MBTD1: variants seen among roughly 807,000 people sequenced by gnomAD.
The protein encoded by MBTD1 is mbt domain containing 1, also known as MBT domain-containing protein 1.
Under a neutral mutation model 87.8 loss-of-function variants are expected in MBTD1, and 24 were observed. The ratio of observed to expected loss-of-function variants is 0.27; its 90% CI spans 0.20 to 0.38. MBTD1 has a LOEUF of 0.38. Among genes scored for constraint, MBTD1 ranks in the 10% least tolerant of loss-of-function variants. The probability of loss-of-function intolerance (pLI) is 1.00; values close to 1 mark genes in which losing one functional copy is unlikely to be tolerated. For missense variants in MBTD1, 436 were observed against 760.2 expected, an observed-to-expected ratio of 0.57 and a Z score of 5.02; for synonymous variants, 237 against 248.6, an observed-to-expected ratio of 0.95 and a Z score of 0.44.
intron 6 of MBTD1, among the ~76,000 whole-genome samples, chr17:51,211,989 T>C (rs1227768431): frequency 2.0e-5 from 3 of 152,180 alleles, no homozygotes; most frequent in African/African-American, 7.2e-5. Flanking sequence ...AAAGCTGACA[T>C]ACATATAGGT....
At chr17:51,195,434 AAAAG>A in intron 12 of MBTD1, 73 bp from the exon 13 acceptor site, 2 of 1,223,822 alleles carry the variant, frequency 1.6e-6, no homozygotes, top group Non-Finnish European at 1.1e-6. Flanking sequence ...TTGACATTCT[AAAAG>A]AAAGGAAAAT....
rs1052553108 is a variant in MBTD1 at position 51,259,868 on chromosome 17, G to A, written c.-146C>T. 8.1e-7 allele frequency: 1 copy of A among 1,231,910 alleles called. No individual in the cohort carries two copies. The highest frequency in any genetic ancestry group is 4.2e-5 in the Admixed American group (1 of 23,722). The allele number at this position is 1,231,910 out of a possible 1,614,324, so 76.3% of individuals were successfully genotyped here. ...TTGTGTTTTCCATCAGGGCCTCATGGGTAGGGGTTGTCCGTGCTCCCCGAG... is the reference window on the plus strand; with the variant it reads ...TTGTGTTTTCCATCAGGGCCTCATGAGTAGGGGTTGTCCGTGCTCCCCGAG... On this transcript the variant is annotated 5_prime_UTR_variant, in exon 1 of 17. Coordinates refer to ENST00000586178, the MANE Select transcript of MBTD1 (RefSeq NM_017643.3).
At chr17:51,225,261 C>G (rs537256855) in intron 2 of MBTD1, 52 bp from the exon 3 acceptor site, 124 of 893,332 alleles carry the variant, frequency 1.4e-4, no homozygotes, top group African/African-American at 1.2e-3. Context: ...ATACACACCC[C>G]CTAAAAGACC....
intron 2 of MBTD1, among the ~76,000 whole-genome samples, chr17:51,231,762 A>G (rs565947756): frequency 6.6e-6 from 1 of 152,132 alleles, no homozygotes; most frequent in South Asian, 2.1e-4. Context: ...AAGGAACACT[A>G]GTTCATAAGC....
At position 51,206,947 on chromosome 17, in the gene MBTD1, T is replaced by C. The variant is rs374100825; in HGVS notation, c.545A>G (p.Asn182Ser). The change falls in exon 7 of 17, where the codon AAT (asparagine) becomes AGT (serine). Residue 182 changes from asparagine (N) to serine (S), a missense_variant. Coordinates refer to ENST00000586178, the MANE Select transcript of MBTD1 (RefSeq NM_017643.3). ...TTTGGTAGGTAGGCTGCAGTCTGTA[T>C]TGGGAACTTCTACTCTCACATTTTC... ...ISENVRVEVP[N>S]TDCSLPTKVF... The C allele has an allele frequency of 1.9e-6, 3 of 1,613,980 alleles. No homozygotes were observed. The highest frequency in any genetic ancestry group is 2.5e-6 in the Non-Finnish European group (3 of 1,179,882).
chr17:51,195,766 C>G (rs895552067), intron 12 of MBTD1, among the ~76,000 whole-genome samples: 1 of 152,210 alleles, frequency 6.6e-6, no homozygotes, highest in Admixed American at 6.5e-5. Flanking sequence ...TTTTTACAAA[C>G]GGTCTCTACC....
intron 2 of MBTD1, among the ~76,000 whole-genome samples, chr17:51,240,074 G>C (rs2054077528): frequency 6.6e-6 from 1 of 152,070 alleles, no homozygotes; most frequent in African/African-American, 2.4e-5. Flanking sequence ...TAAGAATGCG[G>C]TCCCTTTAAG....
intron 6 of MBTD1, among the ~76,000 whole-genome samples, chr17:51,207,741 A>G (rs2051932242): frequency 6.6e-6 from 1 of 152,202 alleles, no homozygotes; most frequent in Non-Finnish European, 1.5e-5. Flanking sequence ...GATTTTCTGA[A>G]ATCTAACAGA....
At chr17:51,228,504 AAC>A (rs1491450493) in intron 2 of MBTD1, among the ~76,000 whole-genome samples, 1 of 151,718 alleles carries the variant, frequency 6.6e-6, no homozygotes, top group Non-Finnish European at 1.5e-5. Context: ...AAAAAAAAAA[AAC>A]AAGACAAAAC....
intron 6 of MBTD1, among the ~76,000 whole-genome samples, chr17:51,212,981 G>C (rs1235347784): frequency 6.6e-6 from 1 of 152,098 alleles, no homozygotes; most frequent in East Asian, 1.9e-4. Flanking sequence ...GCCTGCCTCG[G>C]CCTCCCAAAG....
At chr17:51,250,432 G>A (rs1376870192) in intron 2 of MBTD1, 5 of 152,162 alleles carry the variant, frequency 3.3e-5, no homozygotes, top group Non-Finnish European at 5.9e-5. Context: ...AGGGGTAAAC[G>A]AGTACAGTAT....
rs1464603456 is a variant in MBTD1 at position 51,177,431 on chromosome 17, T to G, written c.*3145A>C. On this transcript the variant is annotated 3_prime_UTR_variant, in exon 17 of 17. Coordinates refer to ENST00000586178, the MANE Select transcript of MBTD1 (RefSeq NM_017643.3). ...AGAACTGCTCAAATCCAGCTTAACT[T>G]TAACATTTTATTTTGTGTAAAAAAG... 1 of 152,192 alleles carries G rather than the reference T, an allele frequency of 6.6e-6. No individual in the cohort carries two copies. The highest frequency in any genetic ancestry group is 1.5e-5 in the Non-Finnish European group (1 of 68,030). 9.4% of individuals were successfully genotyped at this position (152,192 alleles called of 1,614,324 possible).
chr17:51,197,017 C>A (rs569295738), intron 12 of MBTD1, among the ~76,000 whole-genome samples: 1 of 124,718 alleles, frequency 8.0e-6, no homozygotes, highest in African/African-American at 3.1e-5. Context: ...TGATTTTTGT[C>A]TTTATCTATT....
chr17:51,212,114 C>T (rs1166968536), intron 6 of MBTD1, among the ~76,000 whole-genome samples: 2 of 152,144 alleles, frequency 1.3e-5, no homozygotes, highest in Admixed American at 1.3e-4. Flanking sequence ...AATCCCAGCA[C>T]TTTGGGAGGC....
chr17:51,193,071 C>G, intron 14 of MBTD1, 55 bp from the exon 15 acceptor site: 1 of 1,195,980 alleles, frequency 8.4e-7, no homozygotes, highest in Non-Finnish European at 1.2e-6. Flanking sequence ...AATGCACAAC[C>G]CTACTATCAC....
Position 51,182,582 on chromosome 17 carries a change from C to A in MBTD1, c.1769-1888G>T, listed in dbSNP as rs916334927. 2.6e-5 allele frequency among the ~76,000 whole-genome samples: 4 copies of A among 152,274 alleles called. No homozygotes were observed. In the South Asian group the frequency reaches 6.2e-4, roughly 24 times the overall value. On this transcript the variant is annotated intron_variant, in intron 16 of 16. Transcript: ENST00000586178. ...GGAACTGACTGGCTACTTACTACCC[C>A]CTGAATCTGGGCAGCCTGAGATCTC... is the stretch of plus-strand genomic sequence containing the variant.
At chr17:51,255,359 G>A (rs575414121) in intron 2 of MBTD1, among the ~76,000 whole-genome samples, 2 of 152,002 alleles carry the variant, frequency 1.3e-5, no homozygotes, top group East Asian at 3.9e-4. Context: ...AAAAACACTT[G>A]ATCTGAAATG....
At chr17:51,188,404 A>G (rs2050643207) in intron 16 of MBTD1, among the ~76,000 whole-genome samples, 1 of 152,208 alleles carries the variant, frequency 6.6e-6, no homozygotes, top group Non-Finnish European at 1.5e-5. Flanking sequence ...CTGTTTCTGT[A>G]CAATAAGCAC....
chr17:51,229,209 A>C (rs2053417803), intron 2 of MBTD1, among the ~76,000 whole-genome samples: 1 of 152,132 alleles, frequency 6.6e-6, no homozygotes, highest in Non-Finnish European at 1.5e-5. Context: ...CAAAACATTA[A>C]GTGAGTTATA....
Sources: gnomAD v4.1 joint callset for allele counts (sites outside exome capture counted in the v4.1 genomes callset) on GRCh38, gnomAD v4.1.1 for gene constraint, MANE v1.5 for transcripts, NCBI Gene and HGNC (gene_info 2026-07-23, HGNC 2026-07-21) for gene names.